NPC1: variants seen among roughly 807,000 people sequenced by gnomAD.
NPC1 encodes Niemann-Pick C1 protein.
A neutral mutation model predicts 140.4 loss-of-function variants in NPC1; 85 were observed. The ratio of observed to expected loss-of-function variants is 0.61; its 90% confidence interval spans 0.51 to 0.72. The LOEUF (loss-of-function observed/expected upper bound fraction) is 0.72, where lower values mean the gene tolerates loss of function less well. Ranked by LOEUF, NPC1 falls within the 30% of genes least tolerant of loss-of-function variation. The pLI is 0.00. For missense variants in NPC1, 1,504 were observed against 1,623.8 expected (o/e 0.93, Z 1.27); for synonymous variants, 656 against 624.8 (o/e 1.05, Z -0.74).
intron 10 of NPC1, among the ~76,000 whole-genome samples, chr18:23,550,883 G>C (rs2058862191): frequency 6.6e-6 from 1 of 152,184 alleles, no homozygotes; most frequent in African/African-American, 2.4e-5. Flanking sequence ...TGGCTAGTCA[G>C]TTGCTGACAC....
chr18:23,512,997 A>G (rs1598857929), intron 3 of NPC1, among the ~76,000 whole-genome samples: 1 of 152,010 alleles, frequency 6.6e-6, no homozygotes, highest in Non-Finnish European at 1.5e-5. Flanking sequence ...TCTGTTGCCC[A>G]GGCTGGAGTG....
chr18:23,535,245 G>T (rs1047181862), intron 22 of NPC1, among the ~76,000 whole-genome samples: 1 of 152,168 alleles, frequency 6.6e-6, no homozygotes, highest in Non-Finnish European at 1.5e-5. Context: ...CCTGTAATGT[G>T]CCTATGCTCC....
chr18:23,517,284 G>A (rs1006221684), intron 3 of NPC1, among the ~76,000 whole-genome samples: 3 of 151,810 alleles, frequency 2.0e-5, no homozygotes, highest in Non-Finnish European at 4.4e-5. Flanking sequence ...CGAGTAGCTG[G>A]GACTACAGGT....
intron 3 of NPC1, among the ~76,000 whole-genome samples, chr18:23,570,830 T>A (rs2059191410): frequency 1.3e-5 from 2 of 152,072 alleles, no homozygotes; most frequent in African/African-American, 4.8e-5. Flanking sequence ...AAAACTAAGT[T>A]TGACAAAACC....
At position 23,531,952 on chromosome 18, in the gene NPC1, G is replaced by GA; in HGVS notation, c.*249dup. The GA allele has an allele frequency of 6.9e-7, 1 of 1,445,980 alleles. No individual in the cohort carries two copies. The highest frequency in any genetic ancestry group is 9.0e-7 in the Non-Finnish European group (1 of 1,107,252). 89.6% of individuals were successfully genotyped at this position (1,445,980 alleles called of 1,614,324 possible). On this transcript the variant is annotated 3_prime_UTR_variant, in exon 25 of 25. Transcript: ENST00000269228. ...CTAGTGTCACCTCCTGCTTGCCAAA[G>GA]AATGAGGTTTCTTTCCTGAAGAGGC...
At chr18:23,548,143 T>C in intron 10 of NPC1, 35 bp from the exon 11 acceptor site, 1 of 1,276,336 alleles carries the variant, frequency 7.8e-7, no homozygotes, top group Non-Finnish European at 1.1e-6. Context: ...AAAAGCAGAT[T>C]ACAAGCATGC....
rs1486758331 is a variant in NPC1 at position 23,551,690 on chromosome 18, C to T, written c.1591G>A (p.Asp531Asn). The T allele has an allele frequency of 6.2e-7, 1 of 1,614,176 alleles. No homozygotes were observed. The highest frequency in any genetic ancestry group is 8.5e-7 in the Non-Finnish European group (1 of 1,180,024). ...CCACCAAACGTACCCAGACAAGGGT[C>T]ATGGAGCAAACTTGTATCATTCAGA... ...ASLNDTSLLH[D>N]PCLGTFGGPV... Residue 531 changes from aspartate (D) to asparagine (N), a missense_variant, in exon 10 of 25, where the codon GAC becomes AAC. Physicochemically the swap from Asp to Asn is conservative, Grantham distance 23 (BLOSUM62 1). Coordinates refer to ENST00000269228, the MANE Select transcript of NPC1 (RefSeq NM_000271.5).
chr18:23,576,498 C>A, intron 1 of NPC1: 1 of 990,002 alleles, frequency 1.0e-6, no homozygotes, highest in Non-Finnish European at 1.2e-6. Context: ...TGGCGGTGTC[C>A]TAGGCTTAGG....
intron 16 of NPC1, 92 bp from the exon 17 acceptor site, chr18:23,540,629 T>C: frequency 1.0e-6 from 1 of 968,446 alleles, no homozygotes; most frequent in South Asian, 1.4e-5. Context: ...AAAAGCAGGA[T>C]TTTTTAAAAT....
downstream of NPC1, among the ~76,000 whole-genome samples, chr18:23,519,870 T>A (rs936404223): frequency 2.0e-5 from 3 of 152,112 alleles, no homozygotes; most frequent in East Asian, 1.9e-4. Context: ...GCTGCTTACC[T>A]CCTCTACCCT....
Position 23,544,945 on chromosome 18 carries a change from C to CCCCCCA in NPC1, c.1947+14_1947+15insTGGGGG. ...TGTTAACCTCTAGAACATACACCAC[C>CCCCCCA]CCCCCCCGGCTTACCAGAAGCCTGC... On this transcript the variant is annotated intron_variant, in intron 12 of 24. Coordinates refer to ENST00000269228, the MANE Select transcript of NPC1 (RefSeq NM_000271.5). 1 of 1,291,334 alleles carries CCCCCCA rather than the reference C, an allele frequency of 7.7e-7. No individual in the cohort carries two copies. The highest frequency in any genetic ancestry group is 1.1e-6 in the Non-Finnish European group (1 of 913,328). The allele number at this position is 1,291,334 out of a possible 1,614,324, so 80.0% of individuals were successfully genotyped here.
chr18:23,538,077 C>T (rs2058658695), intron 20 of NPC1, among the ~76,000 whole-genome samples: 2 of 152,090 alleles, frequency 1.3e-5, no homozygotes, highest in African/African-American at 4.8e-5. Context: ...GTGAGATAGC[C>T]CATAACCCTA....
intron 1 of NPC1, among the ~76,000 whole-genome samples, chr18:23,579,946 C>A (rs558611635): frequency 6.6e-6 from 1 of 151,944 alleles, no homozygotes. Context: ...TAAATTGGAC[C>A]CCATTCAGGA....
intron 3 of NPC1, chr18:23,506,711 A>G (rs950151937): frequency 8.4e-6 from 3 of 355,296 alleles, no homozygotes; most frequent in Non-Finnish European, 1.6e-5. Context: ...TGTTGGAACA[A>G]TTCTCAGGTG....
chr18:23,526,665 T>C, downstream of NPC1: 1 of 1,614,162 alleles, frequency 6.2e-7, no homozygotes, highest in Non-Finnish European at 8.5e-7. Context: ...AAGTGAAACT[T>C]GAGCCCATAG....
chr18:23,543,606 AT>A (rs756777958), intron 13 of NPC1, 37 bp from the exon 14 acceptor site: 1 of 1,243,662 alleles, frequency 8.0e-7, no homozygotes, highest in Non-Finnish European at 1.2e-6. Flanking sequence ...CGACATTAAA[AT>A]TTCTCAATAA....
rs756239485 is a variant in NPC1 at position 23,541,073 on chromosome 18, T to A, written c.2509A>T (p.Ile837Phe). Reference protein sequence around the residue: ...PLLLKDWMRPIVIAIFVGVLS... With the variant: ...PLLLKDWMRPFVIAIFVGVLS... Reference sequence around the variant, plus strand: ...AACCACAGATAAGCGCATACCACAATTGGTCTCATCCAGTCCTTTAGCAGA... The same window carrying A: ...AACCACAGATAAGCGCATACCACAAATGGTCTCATCCAGTCCTTTAGCAGA... The change falls in exon 16 of 25, where the codon ATT (isoleucine) becomes TTT (phenylalanine). Residue 837 changes from isoleucine (I) to phenylalanine (F), a missense_variant. Ile to Phe is a conservative substitution (Grantham distance 21). Transcript: ENST00000269228. 6.2e-7 allele frequency: 1 copy of A among 1,614,198 alleles called. No homozygotes were observed. Among genetic ancestry groups the A allele is most frequent in the Non-Finnish European group, 8.5e-7 (1 of 1,180,020 alleles).
chr18:23,550,203 G>T (rs1445693360), intron 10 of NPC1, among the ~76,000 whole-genome samples: 1 of 151,534 alleles, frequency 6.6e-6, no homozygotes, highest in African/African-American at 2.4e-5. Flanking sequence ...GCAGAGACGG[G>T]GTTTCTCCAT....
At chr18:23,530,512 T>G, downstream of NPC1, 1 of 1,614,264 alleles carries the variant, frequency 6.2e-7, no homozygotes, top group South Asian at 1.1e-5. Flanking sequence ...AATTTTTAGA[T>G]GCTGCAAAGC....
Sources: gnomAD v4.1 joint callset for allele counts (sites outside exome capture counted in the v4.1 genomes callset) on GRCh38, gnomAD v4.1.1 for gene constraint, MANE v1.5 for transcripts, NCBI Gene and HGNC (gene_info 2026-07-23, HGNC 2026-07-21) for gene names.